The following HOOK1 variants were observed in gnomAD, a reference collection of about 807,000 sequenced individuals.
The protein encoded by HOOK1 is protein Hook homolog 1.
A neutral mutation model predicts 112.8 loss-of-function variants in HOOK1; 60 were observed. The observed-to-expected ratio is 0.53, with a 90% confidence interval of 0.43 to 0.66. The LOEUF is 0.66. Ranked by LOEUF, HOOK1 falls within the 30% of genes least tolerant of loss-of-function variation. HOOK1 has a pLI of 0.00. For synonymous variants in HOOK1, 294 were observed against 283.8 expected (o/e 1.04, Z -0.36); for missense variants, 770 against 856.0 (o/e 0.90, Z 1.25).
At chr1:59,835,855 G>A (rs2098397262) in intron 6 of HOOK1, among the ~76,000 whole-genome samples, 1 of 152,066 alleles carries the variant, frequency 6.6e-6, no homozygotes, top group Non-Finnish European at 1.5e-5. Flanking sequence ...CTATCAGCAG[G>A]TGGAGTCCAG....
chr1:59,822,297 T>C (rs1239421782), intron 2 of HOOK1, among the ~76,000 whole-genome samples: 1 of 152,232 alleles, frequency 6.6e-6, no homozygotes, highest in East Asian at 1.9e-4. Context: ...ACTGTTGTCA[T>C]TTTAAGGTAT....
At chr1:59,865,046 C>T in intron 17 of HOOK1, 117 bp from the exon 18 acceptor site, 1 of 683,326 alleles carries the variant, frequency 1.5e-6, no homozygotes, top group Non-Finnish European at 2.7e-6. Flanking sequence ...CCCCTGCAGT[C>T]ATGCAGATAG....
intron 5 of HOOK1, among the ~76,000 whole-genome samples, chr1:59,834,700 G>A (rs761561985): frequency 6.6e-6 from 1 of 151,762 alleles, no homozygotes; most frequent in Non-Finnish European, 1.5e-5. Context: ...ATTGATTAAT[G>A]CTTTGTTAAT....
intron 19 of HOOK1, among the ~76,000 whole-genome samples, chr1:59,867,475 A>G (rs976293846): frequency 6.6e-6 from 1 of 152,110 alleles, no homozygotes; most frequent in Non-Finnish European, 1.5e-5. Flanking sequence ...TTCCTCTATA[A>G]ATGTAGATGA....
intron 20 of HOOK1, among the ~76,000 whole-genome samples, chr1:59,870,423 T>G (rs762701369): frequency 6.6e-6 from 1 of 152,208 alleles, no homozygotes; most frequent in Admixed American, 6.5e-5. Context: ...AAGAAGGGCA[T>G]CACCTCTCTT....
At position 59,873,744 on chromosome 1, in the gene HOOK1, TATA is replaced by T. The variant is rs1368719977; in HGVS notation, c.*780_*782del. 2 of 143,008 alleles carry T rather than the reference TATA, an allele frequency of 1.4e-5. No homozygotes were observed. The highest frequency in any genetic ancestry group is 5.1e-5 in the African/African-American group (2 of 39,338). The allele number at this position is 143,008 out of a possible 1,614,324, so 8.9% of individuals were successfully genotyped here. A position where few individuals can be genotyped will look rare whatever the true frequency, so the allele number is the denominator to read the frequency against. On this transcript the variant is annotated 3_prime_UTR_variant, in exon 22 of 22. Coordinates refer to ENST00000371208, the MANE Select transcript of HOOK1 (RefSeq NM_015888.6). ...AGCAAGCTATATATATATATATATA[TATA>T]TATATATATATATATATACTTTTTG...
chr1:59,828,524 T>C (rs2098391549), intron 2 of HOOK1, among the ~76,000 whole-genome samples: 1 of 152,192 alleles, frequency 6.6e-6, no homozygotes, highest in African/African-American at 2.4e-5. Flanking sequence ...GTTTTTTACC[T>C]CTTCACGGTT....
intron 7 of HOOK1, among the ~76,000 whole-genome samples, chr1:59,837,962 G>A (rs1392509339): frequency 6.6e-6 from 1 of 152,064 alleles, no homozygotes; most frequent in Non-Finnish European, 1.5e-5. Flanking sequence ...TTCTGATCTT[G>A]AGATAGTTTG....
At chr1:59,859,495 T>C (rs2098412442) in intron 14 of HOOK1, among the ~76,000 whole-genome samples, 1 of 151,982 alleles carries the variant, frequency 6.6e-6, no homozygotes, top group Non-Finnish European at 1.5e-5. Flanking sequence ...AATAGCCATA[T>C]GAGCTTTTTT....
At chr1:59,866,817 T>C (rs1574226318) in intron 19 of HOOK1, among the ~76,000 whole-genome samples, 2 of 152,322 alleles carry the variant, frequency 1.3e-5, no homozygotes, top group East Asian at 3.9e-4. Context: ...TATCCTACTA[T>C]TGGAAATAAT....
intron 15 of HOOK1, 138 bp from the exon 16 acceptor site, chr1:59,862,646 G>C: frequency 1.7e-6 from 1 of 579,840 alleles, no homozygotes; most frequent in Non-Finnish European, 3.2e-6. Flanking sequence ...ATTGTACCTA[G>C]GCACAGATAA....
chr1:59,833,492 C>T lies in HOOK1; in HGVS notation c.361C>T (p.Leu121Phe), dbSNP rs1275488532. 6.3e-7 allele frequency: 1 copy of T among 1,591,880 alleles called. No individual in the cohort carries two copies. The highest frequency in any genetic ancestry group is 8.6e-7 in the Non-Finnish European group (1 of 1,165,030). The change falls in exon 5 of 22, where the codon CTC (leucine) becomes TTC (phenylalanine). Residue 121 changes from leucine to phenylalanine, a missense_variant. This residue lies in a region of HOOK1 where 655 missense variants were observed against 725.9 expected (regional missense o/e 0.90). Transcript: ENST00000371208. Reference sequence around the variant, plus strand: ...AGATCCAGTGGAGCTTGGGAGGTTGCTCCAGCTTATTTTAGGTTGTGCGAT... The same window carrying T: ...AGATCCAGTGGAGCTTGGGAGGTTGTTCCAGCTTATTTTAGGTTGTGCGAT... ...CSDPVELGRLLQLILGCAINC... is the reference protein window; with the variant it reads ...CSDPVELGRLFQLILGCAINC...
chr1:59,820,572 TCTTTA>T (rs1194851939), intron 1 of HOOK1, among the ~76,000 whole-genome samples: 2 of 152,208 alleles, frequency 1.3e-5, no homozygotes, highest in Non-Finnish European at 2.9e-5. Context: ...CTTGACTATT[TCTTTA>T]CTTAGAAAAT....
chr1:59,848,468 A>G lies in HOOK1; in HGVS notation c.1083A>G (p.Leu361=), dbSNP rs774836709. The G allele has an allele frequency of 6.2e-6, 10 of 1,609,734 alleles. No homozygotes were observed. The East Asian group carries it at 2.2e-4, about 36-fold the overall frequency. ...ATACAGTCAGCTTAGAAGAAGAATT[A>G]AAAAAAGCAAATGCAGCACGTACAC... ...MHNTVSLEEE[L]KKANAARTQL... The change falls in exon 11 of 22, where the codon TTA becomes TTG. Residue 361 remains leucine (L), a synonymous_variant. Coordinates refer to ENST00000371208, the MANE Select transcript of HOOK1 (RefSeq NM_015888.6).
At chr1:59,844,422 C>A (rs1039472703) in intron 9 of HOOK1, among the ~76,000 whole-genome samples, 31 of 151,778 alleles carry the variant, frequency 2.0e-4, no homozygotes, top group Non-Finnish European at 3.4e-4. Context: ...AAATTGGGAT[C>A]TTTTTCTGGA....
intron 12 of HOOK1, among the ~76,000 whole-genome samples, chr1:59,856,133 A>G (rs1483912404): frequency 7.3e-6 from 1 of 137,720 alleles, no homozygotes. Flanking sequence ...TTTTTTAGAC[A>G]TGGGGACTCA....
At chr1:59,858,191 G>A (rs1574216148) in intron 12 of HOOK1, among the ~76,000 whole-genome samples, 2 of 152,132 alleles carry the variant, frequency 1.3e-5, no homozygotes, top group African/African-American at 4.8e-5. Flanking sequence ...TCTGTCCTCT[G>A]TTACATAATT....
chr1:59,854,703 C>T (rs1456068097), intron 12 of HOOK1, among the ~76,000 whole-genome samples: 2 of 152,076 alleles, frequency 1.3e-5, no homozygotes, highest in Non-Finnish European at 1.5e-5. Context: ...TTTTCTCTTG[C>T]TGCTTTCAAG....
In HOOK1 at chr1:59,849,145, C is replaced by G. The variant is rs760393719; in HGVS notation, c.1204C>G (p.Leu402Val). Residue 402 changes from leucine to valine, a missense_variant, in exon 12 of 22, where the codon CTT (leucine) becomes GTT (valine). Coordinates refer to ENST00000371208, the MANE Select transcript of HOOK1 (RefSeq NM_015888.6). The part of the protein sequence containing the change: ...ADTLAFEMKR[L>V]EEKHEALLKE... ...CACACTAGCGTTTGAAATGAAGCGG[C>G]TTGAAGAAAAACATGAAGCTTTACT... 3.1e-6 allele frequency: 5 copies of G among 1,609,188 alleles called. No individual in the cohort carries two copies. Among genetic ancestry groups the G allele is most frequent in the Non-Finnish European group, 4.2e-6 (5 of 1,176,654 alleles).
Sources: allele counts gnomAD v4.1 joint callset (sites outside exome capture counted in the v4.1 genomes callset), GRCh38; gene constraint gnomAD v4.1.1; regional missense constraint gnomAD v4.1.1; transcripts MANE v1.5; gene names NCBI Gene and HGNC (gene_info 2026-07-23, HGNC 2026-07-21).